Variants in GALNT10 observed in about 807,000 individuals in gnomAD.
GALNT10 encodes polypeptide N-acetylgalactosaminyltransferase 10.
In GALNT10, 41 loss-of-function variants were observed where a neutral mutation model predicts 75.0. The observed-to-expected ratio is 0.55, with a 90% CI of 0.43 to 0.71. The LOEUF (loss-of-function observed/expected upper bound fraction) is 0.71. Among genes scored for constraint, GALNT10 ranks in the 30% least tolerant of loss-of-function variants. The probability of loss-of-function intolerance (pLI) is 0.00; values close to 1 mark genes in which losing one functional copy is unlikely to be tolerated. For missense variants in GALNT10, 727 were observed against 818.5 expected (o/e 0.89, Z 1.36); for synonymous variants, 302 against 313.0 (o/e 0.96, Z 0.37).
At chr5:154,349,726 GA>G (rs1013864657) in intron 4 of GALNT10, 42 of 149,480 alleles carry the variant, frequency 2.8e-4, no homozygotes, top group African/African-American at 5.1e-4. Flanking sequence ...CCCCATCTCT[GA>G]AAAAAAAAAA....
chr5:154,212,440 A>G (rs184271594), intron 1 of GALNT10, among the ~76,000 whole-genome samples: 1 of 152,356 alleles, frequency 6.6e-6, no homozygotes, highest in African/African-American at 2.4e-5. Context: ...CAGTGGGACC[A>G]TACTGATGCT....
At chr5:154,398,205 C>T (rs1756087211) in intron 7 of GALNT10, among the ~76,000 whole-genome samples, 1 of 152,236 alleles carries the variant, frequency 6.6e-6, no homozygotes, top group South Asian at 2.1e-4. Flanking sequence ...CTGGGAACTC[C>T]TGCGGTGGAG....
At chr5:154,261,706 A>G (rs1454740019) in intron 1 of GALNT10, among the ~76,000 whole-genome samples, 1 of 151,998 alleles carries the variant, frequency 6.6e-6, no homozygotes, top group Admixed American at 6.6e-5. Flanking sequence ...CCACACATGG[A>G]CTCCCTGTAT....
At chr5:154,210,809 TTAGA>T (rs2113648187) in intron 1 of GALNT10, among the ~76,000 whole-genome samples, 1 of 152,334 alleles carries the variant, frequency 6.6e-6, no homozygotes, top group Non-Finnish European at 1.5e-5. Context: ...GAACTGTAGA[TTAGA>T]TAATAGTATT....
rs10617417 is a variant in GALNT10, at chr5:154,287,913, T to TGA, written c.160-6887_160-6886dup. ...TGCTGTGTGTGTGTGTGTGTGTGTG[T>TGA]GAGAGAGAGAGAGAGAGTGTGCATG... On this transcript the variant is annotated intron_variant, in intron 1 of 11. Transcript: ENST00000297107. 2.6e-3 allele frequency among the ~76,000 whole-genome samples: 383 copies of TGA among 148,180 alleles called. 2 individuals carry two copies. The highest frequency in any genetic ancestry group is 3.4e-3 in the Non-Finnish European group (231 of 67,204).
chr5:154,215,100 A>G (rs903950992), intron 1 of GALNT10, among the ~76,000 whole-genome samples: 1 of 152,238 alleles, frequency 6.6e-6, no homozygotes, highest in African/African-American at 2.4e-5. Context: ...TTATTTTTAG[A>G]AACAGAGTTT....
rs539520767 is a variant in GALNT10, at chr5:154,249,071, T to C, written c.160-45745T>C. Among the ~76,000 whole-genome samples the C allele has an allele frequency of 1.3e-4, 20 of 152,374 alleles. 1 individual carries two copies. Among genetic ancestry groups the C allele is most frequent in the African/African-American group, 4.8e-4 (20 of 41,592 alleles). On this transcript the variant is annotated intron_variant, in intron 1 of 11. Transcript: ENST00000297107. The stretch of plus-strand genomic sequence containing the variant: ...AAGATTGGGAGTCAAATCCAGCTTC[T>C]AGTTTAGTCCCTGTGTTACCAGCTA...
intron 1 of GALNT10, among the ~76,000 whole-genome samples, chr5:154,287,221 C>T (rs1754124275): frequency 1.3e-5 from 2 of 152,220 alleles, no homozygotes; most frequent in Admixed American, 1.3e-4. Context: ...TGGCTGCCCA[C>T]CTGCCAAGCA....
At chr5:154,217,081 C>T (rs1161148143) in intron 1 of GALNT10, among the ~76,000 whole-genome samples, 1 of 152,188 alleles carries the variant, frequency 6.6e-6, no homozygotes, top group Non-Finnish European at 1.5e-5. Context: ...CCATAAAAAT[C>T]ACTCCAGCAG....
chr5:154,275,756 C>T (rs1753940182), intron 1 of GALNT10, among the ~76,000 whole-genome samples: 1 of 152,128 alleles, frequency 6.6e-6, no homozygotes, highest in Admixed American at 6.5e-5. Flanking sequence ...GGCTGGGATC[C>T]AAGAATGAAT....
At chr5:154,326,960 A>G (rs1171935593) in intron 3 of GALNT10, among the ~76,000 whole-genome samples, 1 of 152,252 alleles carries the variant, frequency 6.6e-6, no homozygotes, top group Non-Finnish European at 1.5e-5. Flanking sequence ...GTAATTCTAT[A>G]TGTTAAATAT....
chr5:154,321,695 C>T (rs1342846734), intron 3 of GALNT10, among the ~76,000 whole-genome samples: 1 of 152,146 alleles, frequency 6.6e-6, no homozygotes, highest in Non-Finnish European at 1.5e-5. Context: ...TCTCAGATTC[C>T]AGCATCGCCA....
chr5:154,394,318 T>TAA (rs5872377), intron 7 of GALNT10, among the ~76,000 whole-genome samples: 6 of 124,898 alleles, frequency 4.8e-5, no homozygotes, highest in Non-Finnish European at 3.3e-5. Context: ...TGAACAGACT[T>TAA]AAAAAAAAAA....
intron 1 of GALNT10, among the ~76,000 whole-genome samples, chr5:154,267,107 C>T (rs922205469): frequency 6.6e-6 from 1 of 152,082 alleles, no homozygotes. Flanking sequence ...ATGAAGATGA[C>T]CCAAACTATT....
chr5:154,365,906 T>C (rs937086445), intron 4 of GALNT10, among the ~76,000 whole-genome samples: 9 of 152,216 alleles, frequency 5.9e-5, no homozygotes, highest in African/African-American at 2.2e-4. Flanking sequence ...GGCAATACAC[T>C]ATTCTTTCCA....
chr5:154,338,197 G>A, intron 4 of GALNT10: 4 of 763,430 alleles, frequency 5.2e-6, no homozygotes, highest in South Asian at 4.0e-5. Flanking sequence ...CATCCACTTT[G>A]TGTGGCCTTG....
intron 1 of GALNT10, among the ~76,000 whole-genome samples, chr5:154,199,198 G>T (rs1774988782): frequency 6.6e-6 from 1 of 152,162 alleles, no homozygotes; most frequent in Admixed American, 6.5e-5. Flanking sequence ...AGCCTGTTAA[G>T]GATGGTGACA....
At chr5:154,258,311 G>C (rs1561643031) in intron 1 of GALNT10, among the ~76,000 whole-genome samples, 1 of 152,176 alleles carries the variant, frequency 6.6e-6, no homozygotes, top group Non-Finnish European at 1.5e-5. Context: ...GTCTTGAGCA[G>C]TTCTCCATCA....
chr5:154,251,727 CT>C (rs1753526141), intron 1 of GALNT10, among the ~76,000 whole-genome samples: 1 of 152,054 alleles, frequency 6.6e-6, no homozygotes, highest in Non-Finnish European at 1.5e-5. Context: ...CCAGATCCAT[CT>C]GGCACATTCC....
Sources: gnomAD v4.1 joint callset for allele counts (sites outside exome capture counted in the v4.1 genomes callset) on GRCh38, gnomAD v4.1.1 for gene constraint, MANE v1.5 for transcripts, NCBI Gene and HGNC (gene_info 2026-07-23, HGNC 2026-07-21) for gene names.